Variants in ANXA13 observed in about 807,000 individuals in gnomAD.
The protein encoded by ANXA13 is annexin XIII.
ANXA13 carries 36 observed loss-of-function variants against 46.6 expected under a neutral mutation model. That is an observed-to-expected ratio of 0.77 (90% CI 0.59 to 1.02). The LOEUF (loss-of-function observed/expected upper bound fraction) is 1.02. Among genes scored for constraint, ANXA13 ranks in the 50% least tolerant of loss-of-function variants. ANXA13 has a pLI of 0.00. For synonymous variants in ANXA13, 163 were observed against 152.9 expected (o/e 1.07, Z -0.49); for missense variants, 417 against 396.5 (o/e 1.05, Z -0.44).
chr8:123,703,967 C>T (rs574776123), intron 2 of ANXA13, among the ~76,000 whole-genome samples: 5 of 152,266 alleles, frequency 3.3e-5, no homozygotes, highest in East Asian at 1.9e-4. Flanking sequence ...CACCCTGTAC[C>T]GACTGCATGA....
At chr8:123,693,570 T>C (rs1474784942) in intron 7 of ANXA13, 141 bp downstream of exon 7, 1 of 760,374 alleles carries the variant, frequency 1.3e-6, no homozygotes, top group African/African-American at 1.8e-5. Context: ...AGACTATATA[T>C]ATGATCTAGA....
At chr8:123,691,366 T>TA (rs1813236037) in intron 8 of ANXA13, among the ~76,000 whole-genome samples, 1 of 152,130 alleles carries the variant, frequency 6.6e-6, no homozygotes, top group African/African-American at 2.4e-5. Context: ...AATGGATGAA[T>TA]AGATAGCATT....
chr8:123,723,021 G>A (rs1255605718), intron 1 of ANXA13, among the ~76,000 whole-genome samples: 1 of 152,184 alleles, frequency 6.6e-6, no homozygotes, highest in Non-Finnish European at 1.5e-5. Context: ...CCAGTGGGAT[G>A]GCCAAGGTTT....
At chr8:123,732,565 C>T (rs547589922) in intron 1 of ANXA13, among the ~76,000 whole-genome samples, 13 of 152,244 alleles carry the variant, frequency 8.5e-5, no homozygotes, top group African/African-American at 1.4e-4. Flanking sequence ...TCCAGACTCC[C>T]GCGGCTCTAG....
intron 2 of ANXA13, among the ~76,000 whole-genome samples, chr8:123,705,735 C>A (rs748893921): frequency 6.6e-6 from 1 of 152,006 alleles, no homozygotes; most frequent in African/African-American, 2.4e-5. Context: ...GGAACAAGAT[C>A]GTGCAATGCA....
rs750639679 is a variant in ANXA13 at position 123,735,924 on chromosome 8, G to A, written c.15+1396C>T. 1.8e-5 allele frequency: 28 copies of A among 1,545,472 alleles called. No individual in the cohort carries two copies. The Middle Eastern group carries it at 6.9e-4, about 38-fold the overall frequency. ...ATAAAAATGCTGGTCCACTCCTAAA[G>A]GCCAGCTGCTCCCTAGGTTGACTTT... On this transcript the variant is annotated intron_variant, in intron 1 of 10. Transcript: ENST00000419625.
chr8:123,684,653 G>T lies in ANXA13; in HGVS notation c.788C>A (p.Thr263Asn), dbSNP rs1813104379. ...TATGCGAATCAACGTCTCCTCATCG[G>T]TCCCCGCACCCTTCATCGACTTGTA... is the stretch of plus-strand genomic sequence containing the variant. ...RLYKSMKGAG[T>N]DEETLIRIVV... The change falls in exon 10 of 11, where the codon ACC becomes AAC. Residue 263 changes from threonine to asparagine, a missense_variant. Transcript: ENST00000419625. The T allele has an allele frequency of 1.9e-6, 3 of 1,613,946 alleles. No homozygotes were observed. The highest frequency in any genetic ancestry group is 1.1e-5 in the South Asian group (1 of 91,078).
rs1813635910 is a variant in ANXA13 at position 123,710,441 on chromosome 8, G to A, written c.91+2237C>T. 2.0e-5 allele frequency among the ~76,000 whole-genome samples: 3 copies of A among 152,322 alleles called. No individual in the cohort carries two copies. In the South Asian group the frequency reaches 6.2e-4, roughly 32 times the overall value. On this transcript the variant is annotated intron_variant, in intron 2 of 10. Transcript: ENST00000419625. Reference sequence around the variant, plus strand: ...TAAGTGGAGATGGTCGCAAAATCCTGTGAATATACTAAAACTCTGAACTGC... The same window carrying A: ...TAAGTGGAGATGGTCGCAAAATCCTATGAATATACTAAAACTCTGAACTGC...
rs1174760738 is a variant in ANXA13 at position 123,684,642 on chromosome 8, TCTC to T, written c.796_798del (p.Glu266del). ...CTGGTCACGACTATGCGAATCAACG[TCTC>T]CTCATCGGTCCCCGCACCCTTCATC... On this transcript the variant is annotated inframe_deletion, in exon 10 of 11. Coordinates refer to ENST00000419625, the MANE Select transcript of ANXA13 (RefSeq NM_004306.4). 1 of 1,613,942 alleles carries T rather than the reference TCTC, an allele frequency of 6.2e-7. No individual in the cohort carries two copies. Among genetic ancestry groups the T allele is most frequent in the Non-Finnish European group, 8.5e-7 (1 of 1,179,974 alleles).
At chr8:123,696,077 G>A (rs1245232952) in intron 4 of ANXA13, among the ~76,000 whole-genome samples, 1 of 152,026 alleles carries the variant, frequency 6.6e-6, no homozygotes, top group African/African-American at 2.4e-5. Flanking sequence ...CATGTTAGAA[G>A]TTCAGTGCGT....
At chr8:123,718,670 C>T (rs771116345) in intron 1 of ANXA13, among the ~76,000 whole-genome samples, 8 of 152,182 alleles carry the variant, frequency 5.3e-5, no homozygotes, top group Non-Finnish European at 1.0e-4. Context: ...TCTACATGTC[C>T]TTCTCTGTGT....
At chr8:123,681,619 CTTTTT>C (rs5894670) in intron 10 of ANXA13, among the ~76,000 whole-genome samples, 1 of 107,034 alleles carries the variant, frequency 9.3e-6, no homozygotes, top group Admixed American at 1.0e-4. Context: ...TCTTGAATTT[CTTTTT>C]TTTTTTTTTT....
At chr8:123,686,014 A>G (rs1454870196) in intron 9 of ANXA13, among the ~76,000 whole-genome samples, 1 of 152,184 alleles carries the variant, frequency 6.6e-6, no homozygotes, top group Admixed American at 6.5e-5. Flanking sequence ...GCTCCTGCAC[A>G]GGGATCTTCT....
At chr8:123,709,316 C>T (rs1420708686) in intron 2 of ANXA13, among the ~76,000 whole-genome samples, 1 of 151,690 alleles carries the variant, frequency 6.6e-6, no homozygotes, top group Non-Finnish European at 1.5e-5. Flanking sequence ...ACTCTCCCTC[C>T]CTCCCTCTCT....
At chr8:123,687,900 G>A (rs958867552) in intron 9 of ANXA13, among the ~76,000 whole-genome samples, 4 of 152,308 alleles carry the variant, frequency 2.6e-5, no homozygotes, top group African/African-American at 7.2e-5. Flanking sequence ...GCAACACCTG[G>A]AGAGGAGGTC....
rs1339121598 is a variant in ANXA13 at position 123,693,200 on chromosome 8, T to C, written c.639A>G (p.Gln213=). The C allele has an allele frequency of 3.1e-6, 5 of 1,613,808 alleles. No homozygotes were observed. The highest frequency in any genetic ancestry group is 1.7e-5 in the Admixed American group (1 of 59,968). Reference sequence around the variant, plus strand: ...GCCCCAATACTTTATGACTTACAATTTGATAGGCTTGAAAGGTGGCTCGTA... The same window carrying C: ...GCCCCAATACTTTATGACTTACAATCTGATAGGCTTGAAAGGTGGCTCGTA... The part of the protein sequence containing the change: ...KQLRATFQAY[Q]ILIGKDIEEA... The change falls in exon 8 of 11, where the codon CAA becomes CAG. Residue 213 remains glutamine (Q), a synonymous_variant. Transcript: ENST00000419625.
In ANXA13 at chr8:123,682,394, C is replaced by A. The variant is rs79729238; in HGVS notation, c.832-1035G>T. ...ATTCCAGGTAGAACATAATGGATCT[C>A]ATAAAAGAAGCAGAGAACTCTTTTT... On this transcript the variant is annotated intron_variant, in intron 10 of 10. Transcript: ENST00000419625. Among the ~76,000 whole-genome samples, 966 of 152,306 alleles carry A rather than the reference C, an allele frequency of 6.3e-3. 10 individuals carry two copies. The highest frequency in any genetic ancestry group is 0.022 in the African/African-American group (907 of 41,570).
chr8:123,720,197 C>T (rs1320155542), intron 1 of ANXA13, among the ~76,000 whole-genome samples: 1 of 152,106 alleles, frequency 6.6e-6, no homozygotes, highest in Non-Finnish European at 1.5e-5. Context: ...CGGGAAGAGC[C>T]AGGGAGCAGA....
chr8:123,690,216 C>T lies in ANXA13; in HGVS notation c.643-1270G>A, dbSNP rs552204550. 6.6e-6 allele frequency among the ~76,000 whole-genome samples: 1 copy of T among 152,306 alleles called. No individual in the cohort carries two copies. The highest frequency in any genetic ancestry group is 2.1e-4 in the South Asian group (1 of 4,820). On this transcript the variant is annotated intron_variant, in intron 8 of 10. Transcript: ENST00000419625. The surrounding 1 kb of genome is among the most constrained non-coding windows in gnomAD (Gnocchi z 4.6). ...ACTTCAAGAGAACATTTTGTTCACA[C>T]AGGTCTTGTTTACTTTAAAAAATCC...
Sources: allele counts gnomAD v4.1 joint callset (sites outside exome capture counted in the v4.1 genomes callset), GRCh38; gene constraint gnomAD v4.1.1; non-coding constraint Gnocchi (gnomAD v3.1); transcripts MANE v1.5; gene names NCBI Gene and HGNC (gene_info 2026-07-23, HGNC 2026-07-21).